Variants in ANTXR1 observed in about 807,000 individuals in gnomAD.
The protein encoded by ANTXR1 is anthrax toxin receptor 1.
A neutral mutation model predicts 78.1 loss-of-function variants in ANTXR1; 19 were observed. The ratio of observed to expected loss-of-function variants is 0.24; its 90% CI spans 0.17 to 0.36. The LOEUF (loss-of-function observed/expected upper bound fraction) is 0.36. ANTXR1 is among the 10% of genes least tolerant of loss of function. ANTXR1 has a pLI of 1.00. For missense variants in ANTXR1, 518 were observed against 718.6 expected, an observed-to-expected ratio of 0.72 and a Z score of 3.19; for synonymous variants, 273 against 260.5, an observed-to-expected ratio of 1.05 and a Z score of -0.46.
At chr2:69,217,067 T>A (rs1051645719) in intron 17 of ANTXR1, among the ~76,000 whole-genome samples, 1 of 152,220 alleles carries the variant, frequency 6.6e-6, no homozygotes, top group South Asian at 2.1e-4. Flanking sequence ...ATGAATCTAG[T>A]GAGACTTGCA....
intron 9 of ANTXR1, among the ~76,000 whole-genome samples, chr2:69,092,648 A>T (rs541321367): frequency 2.0e-5 from 3 of 152,368 alleles, no homozygotes; most frequent in South Asian, 4.1e-4. Context: ...ACAGAGGTAG[A>T]TCGGTGAGAA....
intron 1 of ANTXR1, among the ~76,000 whole-genome samples, chr2:69,032,049 A>G (rs1327209718): frequency 6.6e-6 from 1 of 152,232 alleles, no homozygotes; most frequent in African/African-American, 2.4e-5. Flanking sequence ...ATTCTTTTAT[A>G]ATGGTGAAAA....
In ANTXR1 at chr2:69,182,571, G is replaced by C. The variant is rs1674300805; in HGVS notation, c.1264G>C (p.Glu422Gln). 2 of 1,614,046 alleles carry C rather than the reference G, an allele frequency of 1.2e-6. No individual in the cohort carries two copies. The highest frequency in any genetic ancestry group is 3.3e-5 in the Admixed American group (2 of 60,002). The change falls in exon 16 of 18, where the codon GAG becomes CAG. Residue 422 changes from glutamate (E) to glutamine (Q), a missense_variant. Around this residue, in one of 5 missense-constraint regions of ANTXR1, gnomAD observed 192 missense variants for 230.2 expected, o/e 0.83. Coordinates refer to ENST00000303714, the MANE Select transcript of ANTXR1 (RefSeq NM_032208.3). ...AAAGAATGCAAGAGTCAAGATGCCG[G>C]AGCAGGAATATGAATTCCCTGAGCC... The part of the protein sequence containing the change: ...KAKNARVKMP[E>Q]QEYEFPEPRN...
chr2:69,054,956 C>T (rs190427602), intron 3 of ANTXR1, among the ~76,000 whole-genome samples: 79 of 152,202 alleles, frequency 5.2e-4, no homozygotes, highest in Admixed American at 1.2e-3. Flanking sequence ...ATTATGTGGT[C>T]TGAGTCCATA....
At chr2:69,215,700 G>A (rs1404855109) in intron 17 of ANTXR1, among the ~76,000 whole-genome samples, 1 of 152,210 alleles carries the variant, frequency 6.6e-6, no homozygotes, top group Non-Finnish European at 1.5e-5. Flanking sequence ...CTAGTAGAAT[G>A]CTGGCCCATA....
intron 17 of ANTXR1, among the ~76,000 whole-genome samples, chr2:69,231,947 G>C (rs1263802719): frequency 2.0e-5 from 3 of 152,076 alleles, no homozygotes; most frequent in Non-Finnish European, 4.4e-5. Flanking sequence ...GTGTACTACA[G>C]GGGGAAAAGA....
At chr2:69,172,309 G>GT in intron 14 of ANTXR1, 1 of 1,428,130 alleles carries the variant, frequency 7.0e-7, no homozygotes, top group Non-Finnish European at 9.9e-7. Flanking sequence ...TTGCCTTAGC[G>GT]TGTGTGTTGG....
chr2:69,059,420 T>C (rs1670165163), intron 3 of ANTXR1, among the ~76,000 whole-genome samples: 1 of 152,008 alleles, frequency 6.6e-6, no homozygotes, highest in South Asian at 2.1e-4. Context: ...TATGATTCAC[T>C]GAAGGCTCAG....
chr2:69,109,199 C>T (rs984421865), intron 10 of ANTXR1, among the ~76,000 whole-genome samples: 5 of 152,060 alleles, frequency 3.3e-5, no homozygotes, highest in South Asian at 2.1e-4. Context: ...AAATGGGGCC[C>T]GATGCACAGT....
chr2:69,191,665 T>C (rs944015130), intron 16 of ANTXR1, among the ~76,000 whole-genome samples: 3 of 152,248 alleles, frequency 2.0e-5, no homozygotes, highest in African/African-American at 7.2e-5. Flanking sequence ...TTAAAAGTTC[T>C]GGTCCCATAC....
intron 10 of ANTXR1, among the ~76,000 whole-genome samples, chr2:69,107,598 A>C (rs558429515): frequency 1.3e-5 from 2 of 152,306 alleles, no homozygotes; most frequent in African/African-American, 4.8e-5. Flanking sequence ...TAAAAAAAAA[A>C]ACTGGACAAA....
At chr2:69,038,539 ACACC>A (rs1669515685) in intron 1 of ANTXR1, among the ~76,000 whole-genome samples, 1 of 152,250 alleles carries the variant, frequency 6.6e-6, no homozygotes, top group Non-Finnish European at 1.5e-5. Flanking sequence ...AATATAATGA[ACACC>A]CATGTGTTCT....
chr2:69,059,036 G>T (rs890016815), intron 3 of ANTXR1, among the ~76,000 whole-genome samples: 5 of 152,210 alleles, frequency 3.3e-5, no homozygotes, highest in Admixed American at 1.3e-4. Context: ...TTGAACTCAT[G>T]AGGACTTGAT....
intron 13 of ANTXR1, among the ~76,000 whole-genome samples, chr2:69,163,130 CG>C (rs2104443483): frequency 6.6e-6 from 1 of 152,084 alleles, no homozygotes; most frequent in East Asian, 1.9e-4. Flanking sequence ...TCTTAGTTGA[CG>C]TGAGTCTGAT....
chr2:69,216,251 C>T (rs1675170432), intron 17 of ANTXR1, among the ~76,000 whole-genome samples: 1 of 152,114 alleles, frequency 6.6e-6, no homozygotes, highest in African/African-American at 2.4e-5. Context: ...AGCCAAAAAA[C>T]TTCTTCTTTC....
At chr2:69,074,196 G>A (rs1432016651) in intron 6 of ANTXR1, among the ~76,000 whole-genome samples, 1 of 152,070 alleles carries the variant, frequency 6.6e-6, no homozygotes, top group Non-Finnish European at 1.5e-5. Flanking sequence ...CCTCCCACTA[G>A]TACAAAAAGT....
At position 69,013,613 on chromosome 2, in the gene ANTXR1, C is replaced by G. The variant is rs779266673; in HGVS notation, c.114C>G (p.Ala38=). 6.4e-7 allele frequency: 1 copy of G among 1,557,786 alleles called. No individual in the cohort carries two copies. The highest frequency in any genetic ancestry group is 8.7e-7 in the Non-Finnish European group (1 of 1,149,742). The change falls in exon 1 of 18, where the codon GCC becomes GCG. Residue 38 remains alanine (A), a synonymous_variant. Coordinates refer to ENST00000303714, the MANE Select transcript of ANTXR1 (RefSeq NM_032208.3). The surrounding 1 kb of genome is among the most constrained non-coding windows in gnomAD (Gnocchi z 5.0). ...GACGCAGGGAGGATGGGGGTCCAGC[C>G]TGCTACGGCGGATTTGACCTGTACT... ...QGGRREDGGP[A]CYGGFDLYFI...
intron 17 of ANTXR1, among the ~76,000 whole-genome samples, chr2:69,229,407 GGAT>G (rs1249106905): frequency 1.3e-5 from 2 of 152,068 alleles, no homozygotes; most frequent in Non-Finnish European, 2.9e-5. Context: ...ATATGGAGCG[GGAT>G]GATATCAGCG....
At chr2:69,235,592 C>CA (rs1388140402) in intron 17 of ANTXR1, among the ~76,000 whole-genome samples, 1 of 140,114 alleles carries the variant, frequency 7.1e-6, no homozygotes, top group Non-Finnish European at 1.5e-5. Context: ...GCAGAGGTTG[C>CA]AGTGAGCTGA....
Sources: gnomAD v4.1 joint callset for allele counts (sites outside exome capture counted in the v4.1 genomes callset) on GRCh38, gnomAD v4.1.1 for gene constraint, gnomAD v4.1.1 regional missense constraint, Gnocchi (gnomAD v3.1) non-coding constraint, MANE v1.5 for transcripts, NCBI Gene and HGNC (gene_info 2026-07-23, HGNC 2026-07-21) for gene names.